PREX2: variants seen among roughly 807,000 people sequenced by gnomAD.
PREX2 encodes phosphatidylinositol-3,4,5-trisphosphate dependent Rac exchange factor 2, also known as phosphatidylinositol 3,4,5-trisphosphate-dependent Rac exchanger 2 protein.
A neutral mutation model predicts 203.2 loss-of-function variants in PREX2; 107 were observed. That is an observed-to-expected ratio of 0.53 (90% confidence interval 0.45 to 0.62). The LOEUF is 0.62. Ranked by LOEUF, PREX2 falls within the 20% of genes least tolerant of loss-of-function variation. The pLI is 0.00. For synonymous variants in PREX2, 672 were observed against 663.6 expected, an observed-to-expected ratio of 1.01 and a Z score of -0.19; for missense variants, 1,777 against 1,955.9, an observed-to-expected ratio of 0.91 and a Z score of 1.72.
chr8:67,958,479 T>A (rs1306512841), intron 1 of PREX2, among the ~76,000 whole-genome samples: 1 of 152,204 alleles, frequency 6.6e-6, no homozygotes, highest in Non-Finnish European at 1.5e-5. Flanking sequence ...TACTTTAATA[T>A]AAAAATAGTA....
rs987901972 is a variant in PREX2, at chr8:68,107,567, T to C, written c.2716-542T>C. ...CTGACTCAATGATTAGCAGGAGGCATGGGAAACAGACTTGTCCTGCCATTC... is the reference window on the plus strand; with the variant it reads ...CTGACTCAATGATTAGCAGGAGGCACGGGAAACAGACTTGTCCTGCCATTC... On this transcript the variant is annotated intron_variant, in intron 23 of 39. Transcript: ENST00000288368. Among the ~76,000 whole-genome samples, 5 of 152,206 alleles carry C rather than the reference T, an allele frequency of 3.3e-5. No individual in the cohort carries two copies. In the East Asian group the frequency reaches 7.7e-4, roughly 23 times the overall value.
intron 2 of PREX2, 34 bp downstream of exon 2, chr8:68,017,951 T>G (rs1807452633): frequency 6.4e-7 from 1 of 1,554,020 alleles, no homozygotes; most frequent in East Asian, 2.3e-5. Flanking sequence ...AACCTGAGCA[T>G]GAGTTTCCTA....
At chr8:68,128,067 A>G (rs528041211) in intron 31 of PREX2, among the ~76,000 whole-genome samples, 63 of 152,338 alleles carry the variant, frequency 4.1e-4, no homozygotes, top group African/African-American at 1.4e-3. Context: ...TATTTCAACA[A>G]GGTTTTCATT....
intron 30 of PREX2, 87 bp downstream of exon 30, chr8:68,121,136 T>A: frequency 7.3e-7 from 1 of 1,367,486 alleles, no homozygotes; most frequent in Non-Finnish European, 1.0e-6. Flanking sequence ...TAATGCCTGA[T>A]TATTTTTTGC....
At chr8:68,103,439 A>G in intron 23 of PREX2, 1 of 477,084 alleles carries the variant, frequency 2.1e-6, no homozygotes, top group Non-Finnish European at 4.2e-6. Context: ...CCAATGCATT[A>G]AAAACCTGAA....
Position 68,030,610 on chromosome 8 carries a change from G to T in PREX2, c.657G>T (p.Glu219Asp). 1 of 1,613,750 alleles carries T rather than the reference G, an allele frequency of 6.2e-7. No homozygotes were observed. The highest frequency in any genetic ancestry group is 8.5e-7 in the Non-Finnish European group (1 of 1,179,696). Residue 219 changes from glutamate (E) to aspartate (D), a missense_variant, in exon 6 of 40, where the codon GAG becomes GAT. Physicochemically the swap from Glu to Asp is conservative, Grantham distance 45. Transcript: ENST00000288368. ...TAAACGAGGCCAAGAGACAGATGGA[G>T]AAGTTAGAAGTTTTAGAGGAATGGC... is the stretch of plus-strand genomic sequence containing the variant. Reference protein sequence around the residue: ...SNINEAKRQMEKLEVLEEWQS... With the variant: ...SNINEAKRQMDKLEVLEEWQS...
intron 23 of PREX2, chr8:68,105,387 G>T (rs568474342): frequency 2.2e-6 from 3 of 1,352,836 alleles, no homozygotes; most frequent in East Asian, 4.6e-5. Flanking sequence ...AACAGTTCAG[G>T]CACCCTTAGA....
intron 30 of PREX2, among the ~76,000 whole-genome samples, chr8:68,126,824 T>C (rs1322436098): frequency 6.6e-6 from 1 of 151,832 alleles, no homozygotes; most frequent in African/African-American, 2.4e-5. Context: ...CCTGTGTGGG[T>C]TGGAGTTGGA....
At chr8:68,208,813 G>T (rs1450365667) in intron 37 of PREX2, among the ~76,000 whole-genome samples, 3 of 152,030 alleles carry the variant, frequency 2.0e-5, no homozygotes, top group Non-Finnish European at 4.4e-5. Flanking sequence ...TCTGAGCTGG[G>T]CATAGTGGCT....
chr8:68,147,736 A>G (rs1254653965), intron 34 of PREX2, among the ~76,000 whole-genome samples: 1 of 152,214 alleles, frequency 6.6e-6, no homozygotes, highest in African/African-American at 2.4e-5. Flanking sequence ...TACCTCAAAT[A>G]TACTTGGCAG....
intron 8 of PREX2, among the ~76,000 whole-genome samples, chr8:68,051,194 CTTGAATGATT>C (rs1193865988): frequency 3.3e-5 from 5 of 152,058 alleles, no homozygotes; most frequent in Admixed American, 6.6e-5. Context: ...AGGAGCATGA[CTTGAATGATT>C]TTGGCACATG....
Position 68,022,096 on chromosome 8 carries a change from CT to C in PREX2, c.399del (p.Glu135AsnfsTer5), listed in dbSNP as rs1241913656. The C allele has an allele frequency of 6.3e-7, 1 of 1,576,634 alleles. No individual in the cohort carries two copies. Among genetic ancestry groups the C allele is most frequent in the African/African-American group, 1.3e-5 (1 of 74,120 alleles). ...TAACCATGAGAAGGCACAAAAATTA[CT>C]TCTTGAACTCAACAAAATAAGAACA... ...CSNHEKAQKL[L>X]LELNKIRTIR... On this transcript the variant is annotated frameshift_variant, in exon 4 of 40. Transcript: ENST00000288368. LOFTEE classifies it high-confidence loss of function.
At chr8:68,112,859 A>G (rs1302947020) in intron 25 of PREX2, among the ~76,000 whole-genome samples, 2 of 152,174 alleles carry the variant, frequency 1.3e-5, no homozygotes. Context: ...GATTAAATGA[A>G]TTCATACCTG....
chr8:68,101,994 A>T (rs1425420687), intron 23 of PREX2, among the ~76,000 whole-genome samples: 1 of 152,222 alleles, frequency 6.6e-6, no homozygotes, highest in Non-Finnish European at 1.5e-5. Flanking sequence ...GATCCTCAAT[A>T]GTCACCTTGG....
chr8:67,974,757 C>G (rs9886633), intron 1 of PREX2, among the ~76,000 whole-genome samples: 52,423 of 152,058 alleles, frequency 0.34, 9,445 homozygotes, highest in East Asian at 0.61. Context: ...TCCTCCTAAC[C>G]TAGAGATGAT....
intron 35 of PREX2, among the ~76,000 whole-genome samples, chr8:68,180,333 C>T (rs1251964199): frequency 6.6e-6 from 1 of 152,080 alleles, no homozygotes; most frequent in Non-Finnish European, 1.5e-5. Flanking sequence ...TCTTTATTTT[C>T]CTCTTTTCTA....
Position 67,960,140 on chromosome 8 carries a change from C to T in PREX2, c.141+7605C>T, listed in dbSNP as rs573477778. Among the ~76,000 whole-genome samples the T allele has an allele frequency of 2.3e-4, 35 of 152,210 alleles. No individual in the cohort carries two copies. The East Asian group carries it at 3.3e-3, about 14-fold the overall frequency. On this transcript the variant is annotated intron_variant, in intron 1 of 39. Transcript: ENST00000288368. Reference sequence around the variant, plus strand: ...ACTGCAACCTTCCCTCTTCCGGGTTCAAGCGATTCTCCTGCCTCAGCCTCC... The same window carrying T: ...ACTGCAACCTTCCCTCTTCCGGGTTTAAGCGATTCTCCTGCCTCAGCCTCC...
At chr8:68,121,740 G>C (rs1810778983) in intron 30 of PREX2, among the ~76,000 whole-genome samples, 1 of 152,110 alleles carries the variant, frequency 6.6e-6, no homozygotes, top group African/African-American at 2.4e-5. Flanking sequence ...CCAGTGATTA[G>C]AACAGTGGTT....
In PREX2 at chr8:68,087,784, T is replaced by C. The variant is rs769736459; in HGVS notation, c.2088T>C (p.Pro696=). The change falls in exon 19 of 40, where the codon CCT becomes CCC. Residue 696 remains proline, a synonymous_variant. Coordinates refer to ENST00000288368, the MANE Select transcript of PREX2 (RefSeq NM_024870.4). ...GLGFQIRGFG[P]SVVHAVGRGT... The stretch of plus-strand genomic sequence containing the variant: ...GCTTCCAGATCCGGGGATTTGGCCC[T>C]TCTGTTGTGCATGCTGTAGGAAGAG... 12 of 1,613,646 alleles carry C rather than the reference T, an allele frequency of 7.4e-6. 1 individual carries two copies. The South Asian group carries it at 1.3e-4, about 18-fold the overall frequency.
Sources: allele counts gnomAD v4.1 joint callset (sites outside exome capture counted in the v4.1 genomes callset), GRCh38; gene constraint gnomAD v4.1.1; transcripts MANE v1.5; gene names NCBI Gene and HGNC (gene_info 2026-07-23, HGNC 2026-07-21).